The following NRG3 variants were observed in gnomAD, a reference collection of about 807,000 sequenced individuals.
NRG3 encodes pro-neuregulin-3, membrane-bound isoform.
A neutral mutation model predicts 66.9 loss-of-function variants in NRG3; 31 were observed. The observed-to-expected ratio is 0.46, with a 90% confidence interval of 0.35 to 0.63. The LOEUF is 0.63. Ranked by LOEUF, NRG3 falls within the 20% of genes least tolerant of loss-of-function variation. NRG3 has a pLI of 0.00. For missense variants in NRG3, 910 were observed against 878.9 expected, an observed-to-expected ratio of 1.04 and a Z score of -0.45; for synonymous variants, 393 against 359.4, an observed-to-expected ratio of 1.09 and a Z score of -1.06.
intron 2 of NRG3, among the ~76,000 whole-genome samples, chr10:82,577,773 T>G (rs888952275): frequency 3.3e-5 from 5 of 151,808 alleles, no homozygotes; most frequent in Admixed American, 6.6e-5. Context: ...TTCTAAACAG[T>G]GAAAGATAAA....
chr10:82,178,956 CATT>C lies in NRG3; in HGVS notation c.824-179780_824-179778del, dbSNP rs578084972. 1.2e-3 allele frequency among the ~76,000 whole-genome samples: 186 copies of C among 152,066 alleles called. 1 individual carries two copies. The highest frequency in any genetic ancestry group is 4.3e-3 in the African/African-American group (180 of 41,552). On this transcript the variant is annotated intron_variant, in intron 1 of 8. Coordinates refer to ENST00000372141, the MANE Select transcript of NRG3 (RefSeq NM_001010848.4). ...TACCAACAGGTATGAAGTGATATCTCATTATAATTTTGATTTTCATTTTTCTGA... is the reference window on the plus strand; with the variant it reads ...TACCAACAGGTATGAAGTGATATCTCATAATTTTGATTTTCATTTTTCTGA...
chr10:82,219,624 G>T (rs2075845332), intron 1 of NRG3, among the ~76,000 whole-genome samples: 1 of 151,918 alleles, frequency 6.6e-6, no homozygotes, highest in Admixed American at 6.6e-5. Flanking sequence ...ATTAGTTCTA[G>T]AACCTCACTT....
chr10:82,168,899 C>A (rs2072326891), intron 1 of NRG3, among the ~76,000 whole-genome samples: 3 of 152,090 alleles, frequency 2.0e-5, no homozygotes, highest in African/African-American at 7.2e-5. Context: ...AAACTGTTCA[C>A]CTTTCTCTGG....
intron 1 of NRG3, among the ~76,000 whole-genome samples, chr10:81,982,868 C>A (rs1589681759): frequency 6.6e-6 from 1 of 152,254 alleles, no homozygotes; most frequent in East Asian, 1.9e-4. Flanking sequence ...AAGACAGTTT[C>A]GTAACTTAAC....
chr10:82,175,656 A>T (rs1346670843), intron 1 of NRG3, among the ~76,000 whole-genome samples: 1 of 152,170 alleles, frequency 6.6e-6, no homozygotes, highest in Non-Finnish European at 1.5e-5. Context: ...AGCACTCATT[A>T]TGTGGTTAGC....
chr10:82,158,852 T>C (rs1030798653), intron 1 of NRG3, among the ~76,000 whole-genome samples: 1 of 151,876 alleles, frequency 6.6e-6, no homozygotes, highest in Non-Finnish European at 1.5e-5. Flanking sequence ...AACCTGATCA[T>C]TTTCACACTG....
chr10:82,855,151 C>T (rs546205957), intron 3 of NRG3, among the ~76,000 whole-genome samples: 1 of 152,170 alleles, frequency 6.6e-6, no homozygotes, highest in Non-Finnish European at 1.5e-5. Context: ...AAAATATGTC[C>T]ATCATTTTGT....
At chr10:82,059,366 A>G (rs1449138575) in intron 1 of NRG3, among the ~76,000 whole-genome samples, 1 of 152,178 alleles carries the variant, frequency 6.6e-6, no homozygotes, top group Non-Finnish European at 1.5e-5. Flanking sequence ...TACACTCAGT[A>G]GATATTTCAG....
At chr10:82,636,785 T>C (rs1326072539) in intron 2 of NRG3, among the ~76,000 whole-genome samples, 4 of 151,948 alleles carry the variant, frequency 2.6e-5, no homozygotes, top group African/African-American at 9.7e-5. Context: ...CTGGGTCATA[T>C]GGTAACTCTG....
intron 3 of NRG3, among the ~76,000 whole-genome samples, chr10:82,753,767 T>C (rs2058968817): frequency 6.6e-6 from 1 of 151,994 alleles, no homozygotes; most frequent in South Asian, 2.1e-4. Flanking sequence ...GCCAACATGG[T>C]GAAACCCCGT....
intron 2 of NRG3, among the ~76,000 whole-genome samples, chr10:82,646,147 C>T (rs1247461045): frequency 2.6e-5 from 4 of 152,132 alleles, no homozygotes; most frequent in Non-Finnish European, 4.4e-5. Flanking sequence ...CTTGCTACCT[C>T]CTAACCTCTT....
intron 1 of NRG3, among the ~76,000 whole-genome samples, chr10:82,212,824 A>T (rs2075466211): frequency 6.6e-6 from 1 of 152,216 alleles, no homozygotes; most frequent in South Asian, 2.1e-4. Context: ...GTAACATCTG[A>T]TGTGCATTAT....
At chr10:82,086,863 A>G (rs2065758755) in intron 1 of NRG3, among the ~76,000 whole-genome samples, 1 of 152,100 alleles carries the variant, frequency 6.6e-6, no homozygotes, top group Admixed American at 6.6e-5. Context: ...TTGCCTTCCA[A>G]TCTCGTCTAT....
chr10:82,125,963 GGAGAAA>G (rs1378705143), intron 1 of NRG3, among the ~76,000 whole-genome samples: 2 of 152,014 alleles, frequency 1.3e-5, no homozygotes. Context: ...AGGCCTGTAG[GGAGAAA>G]GACAAGGTGA....
intron 2 of NRG3, among the ~76,000 whole-genome samples, chr10:82,710,043 A>G (rs948174360): frequency 4.6e-5 from 7 of 152,208 alleles, no homozygotes; most frequent in African/African-American, 1.7e-4. Flanking sequence ...TATATTTTGA[A>G]CAACCTATAT....
At chr10:82,129,706 A>G (rs758534514) in intron 1 of NRG3, among the ~76,000 whole-genome samples, 2 of 151,820 alleles carry the variant, frequency 1.3e-5, no homozygotes, top group Admixed American at 1.3e-4. Flanking sequence ...CCCAATAGGC[A>G]TGCTCCACCA....
intron 3 of NRG3, among the ~76,000 whole-genome samples, chr10:82,772,253 T>C (rs1426036934): frequency 2.0e-5 from 3 of 152,200 alleles, no homozygotes; most frequent in African/African-American, 7.2e-5. Context: ...TCATCTAACA[T>C]AGTTACTCTG....
chr10:82,398,225 G>A (rs2086841379), intron 2 of NRG3, among the ~76,000 whole-genome samples: 1 of 152,152 alleles, frequency 6.6e-6, no homozygotes. Flanking sequence ...GAAAGAGCTA[G>A]ACTATGGGGA....
intron 1 of NRG3, among the ~76,000 whole-genome samples, chr10:82,062,621 G>GA (rs148660592): frequency 1.3e-5 from 2 of 151,086 alleles, no homozygotes; most frequent in Admixed American, 6.6e-5. Context: ...AAAAGAAAAA[G>GA]AAAAAAAATA....
Sources: gnomAD v4.1 joint callset for allele counts (sites outside exome capture counted in the v4.1 genomes callset) on GRCh38, gnomAD v4.1.1 for gene constraint, MANE v1.5 for transcripts, NCBI Gene and HGNC (gene_info 2026-07-23, HGNC 2026-07-21) for gene names.